GPD1L: variants seen among roughly 807,000 people sequenced by gnomAD.
GPD1L encodes the protein glycerol-3-phosphate dehydrogenase 1-like protein.
In GPD1L, 17 loss-of-function variants were observed where a neutral mutation model predicts 32.9. That is an observed-to-expected ratio of 0.52 (90% confidence interval 0.35 to 0.78). GPD1L has a LOEUF of 0.78. GPD1L is among the 30% of genes least tolerant of loss of function. GPD1L has a pLI of 0.01. For missense variants in GPD1L, 361 were observed against 447.8 expected (o/e 0.81, Z 1.75); for synonymous variants, 187 against 165.9 (o/e 1.13, Z -0.98).
intron 7 of GPD1L, among the ~76,000 whole-genome samples, chr3:32,163,161 CTTTTTTTT>C (rs34385950): frequency 2.6e-5 from 2 of 78,030 alleles, no homozygotes; most frequent in African/African-American, 5.2e-5. Flanking sequence ...CTGGTTTGTC[CTTTTTTTT>C]TTTTTTTTTT....
chr3:32,143,876 A>G (rs573905243), intron 4 of GPD1L, among the ~76,000 whole-genome samples: 1 of 152,190 alleles, frequency 6.6e-6, no homozygotes, highest in East Asian at 1.9e-4. Flanking sequence ...CAGGTACTCG[A>G]GAGCCTGAGA....
At chr3:32,133,030 G>GAGCC (rs1297633199) in intron 2 of GPD1L, among the ~76,000 whole-genome samples, 1 of 152,172 alleles carries the variant, frequency 6.6e-6, no homozygotes, top group African/African-American at 2.4e-5. Context: ...CCTCTACTAT[G>GAGCC]TCCCAAGTAT....
chr3:32,116,825 T>C (rs952963652), intron 1 of GPD1L, among the ~76,000 whole-genome samples: 10 of 152,200 alleles, frequency 6.6e-5, no homozygotes, highest in Non-Finnish European at 1.3e-4. Context: ...GGTTAACCCC[T>C]TAAGCACTTT....
intron 3 of GPD1L, among the ~76,000 whole-genome samples, chr3:32,139,001 C>T (rs1289718629): frequency 6.6e-6 from 1 of 152,130 alleles, no homozygotes; most frequent in Non-Finnish European, 1.5e-5. Flanking sequence ...AGCCTGCCAT[C>T]TGGAAAGCAC....
intron 2 of GPD1L, among the ~76,000 whole-genome samples, chr3:32,131,886 C>A (rs1403037877): frequency 2.0e-5 from 3 of 152,224 alleles, no homozygotes; most frequent in Non-Finnish European, 4.4e-5. Flanking sequence ...TCTTCACATT[C>A]TCACCAGTGC....
chr3:32,119,323 G>T (rs1259887235), intron 1 of GPD1L, among the ~76,000 whole-genome samples: 2 of 152,286 alleles, frequency 1.3e-5, no homozygotes, highest in East Asian at 3.9e-4. Flanking sequence ...TGGATCTGAG[G>T]TGGTATTATT....
chr3:32,115,758 C>CTTTTTTTTTTT lies in GPD1L; in HGVS notation c.47+9038_47+9048dup, dbSNP rs539068850. 1.8e-3 allele frequency among the ~76,000 whole-genome samples: 82 copies of CTTTTTTTTTTT among 45,086 alleles called. 34 individuals carry two copies. Among genetic ancestry groups the CTTTTTTTTTTT allele is most frequent in the Non-Finnish European group, 3.4e-3 (70 of 20,538 alleles). 29.6% of individuals were successfully genotyped at this position (45,086 alleles called of 152,430 possible). On this transcript the variant is annotated intron_variant, in intron 1 of 7. Transcript: ENST00000282541. ...CTAAACCCTTTTCGTGTACGTTGAA[C>CTTTTTTTTTTT]TTTTTTTTTTTTTTTTTTTTTTTTT...
intron 5 of GPD1L, chr3:32,151,716 T>G (rs1442115948): frequency 6.3e-6 from 1 of 159,380 alleles, no homozygotes; most frequent in Non-Finnish European, 1.4e-5. Context: ...TGGACTCAAG[T>G]GATCCATCAG....
At chr3:32,141,015 T>C (rs1317770825) in intron 4 of GPD1L, among the ~76,000 whole-genome samples, 1 of 152,258 alleles carries the variant, frequency 6.6e-6, no homozygotes, top group Non-Finnish European at 1.5e-5. Context: ...CCGTGTACTA[T>C]ATTAAACGAT....
In GPD1L at chr3:32,167,473, C is replaced by T. The variant is rs1701164675; in HGVS notation, c.*1563C>T. 1 of 152,600 alleles carries T rather than the reference C, an allele frequency of 6.6e-6. No individual in the cohort carries two copies. Among genetic ancestry groups the T allele is most frequent in the African/African-American group, 2.4e-5 (1 of 41,442 alleles). The allele number at this position is 152,600 out of a possible 1,614,324, so 9.5% of individuals were successfully genotyped here. ...TTGTTGGTTCTGAACTTTTACAGTT[C>T]AGGCCTGCTGTGAATCTTTGATGAA... is the stretch of plus-strand genomic sequence containing the variant. On this transcript the variant is annotated 3_prime_UTR_variant, in exon 8 of 8. Transcript: ENST00000282541.
intron 1 of GPD1L, among the ~76,000 whole-genome samples, chr3:32,120,316 C>CA (rs966706059): frequency 6.7e-5 from 10 of 149,372 alleles, no homozygotes; most frequent in Non-Finnish European, 1.0e-4. Flanking sequence ...GACTCTGTCT[C>CA]AAAAAAAACA....
intron 5 of GPD1L, among the ~76,000 whole-genome samples, chr3:32,155,790 GAA>G (rs1700980399): frequency 1.3e-5 from 2 of 152,196 alleles, no homozygotes; most frequent in Non-Finnish European, 2.9e-5. Context: ...GAAGGGCCTT[GAA>G]AAGTCTTGTC....
chr3:32,107,327 G>A (rs942317845), intron 1 of GPD1L, among the ~76,000 whole-genome samples: 2 of 152,194 alleles, frequency 1.3e-5, no homozygotes, highest in Non-Finnish European at 2.9e-5. Context: ...TCAACAGGCC[G>A]CTCTCCCTGA....
chr3:32,147,763 T>G (rs1348962363), intron 5 of GPD1L, among the ~76,000 whole-genome samples: 1 of 152,204 alleles, frequency 6.6e-6, no homozygotes, highest in East Asian at 1.9e-4. Flanking sequence ...TCACCTGTCT[T>G]TATTGGATGG....
intron 2 of GPD1L, among the ~76,000 whole-genome samples, chr3:32,134,203 T>G (rs1320792517): frequency 1.3e-5 from 2 of 152,254 alleles, no homozygotes; most frequent in Admixed American, 6.5e-5. Context: ...TTCTGAAAGA[T>G]GAGATTCACA....
intron 5 of GPD1L, among the ~76,000 whole-genome samples, chr3:32,148,399 A>T (rs746386353): frequency 3.3e-5 from 5 of 152,142 alleles, no homozygotes; most frequent in Non-Finnish European, 5.9e-5. Context: ...AGCTACCTTG[A>T]TGGAAAGGGA....
intron 1 of GPD1L, among the ~76,000 whole-genome samples, chr3:32,121,531 T>TTC (rs1301389717): frequency 5.3e-5 from 6 of 114,018 alleles, no homozygotes; most frequent in East Asian, 2.5e-4. Flanking sequence ...CTATATATAT[T>TTC]TCTATGTATA....
chr3:32,109,991 C>T (rs1183750635), intron 1 of GPD1L, among the ~76,000 whole-genome samples: 1 of 152,278 alleles, frequency 6.6e-6, no homozygotes, highest in Admixed American at 6.5e-5. Flanking sequence ...AATCTCAGCT[C>T]ACCGCAAGCT....
At chr3:32,120,249 C>T (rs1442115653) in intron 1 of GPD1L, among the ~76,000 whole-genome samples, 7 of 151,952 alleles carry the variant, frequency 4.6e-5, no homozygotes, top group African/African-American at 1.5e-4. Flanking sequence ...ACCCAGGAGA[C>T]GGAGGTTGCA....
Sources: allele counts gnomAD v4.1 joint callset (sites outside exome capture counted in the v4.1 genomes callset), GRCh38; gene constraint gnomAD v4.1.1; transcripts MANE v1.5; gene names NCBI Gene and HGNC (gene_info 2026-07-23, HGNC 2026-07-21).